The following LPGAT1 variants were observed in gnomAD, a reference collection of about 807,000 sequenced individuals.
The protein encoded by LPGAT1 is acyl-CoA:lysophosphatidylglycerol acyltransferase 1.
LPGAT1 carries 11 observed loss-of-function variants against 47.5 expected under a neutral mutation model. That is an observed-to-expected ratio of 0.23 (90% confidence interval 0.15 to 0.38). LPGAT1 has a LOEUF of 0.38. Among genes scored for constraint, LPGAT1 ranks in the 10% least tolerant of loss-of-function variants. The probability of loss-of-function intolerance (pLI) is 1.00; values close to 1 mark genes in which losing one functional copy is unlikely to be tolerated. For synonymous variants in LPGAT1, 138 were observed against 144.2 expected, an observed-to-expected ratio of 0.96 and a Z score of 0.31; for missense variants, 293 against 439.0, an observed-to-expected ratio of 0.67 and a Z score of 2.97.
At chr1:211,829,751 C>CCTCA in intron 1 of LPGAT1, 1 of 1,000,956 alleles carries the variant, frequency 1.0e-6, no homozygotes, top group Non-Finnish European at 1.2e-6. Context: ...ATACTGAGGA[C>CCTCA]CTCAGTCTCC....
rs1447899407 is a variant in LPGAT1 at position 211,783,327 on chromosome 1, A to G, written c.629T>C (p.Val210Ala). The G allele has an allele frequency of 6.2e-7, 1 of 1,614,060 alleles. No homozygotes were observed. The highest frequency in any genetic ancestry group is 8.5e-7 in the Non-Finnish European group (1 of 1,180,028). Reference protein sequence around the residue: ...KKNNLPFLTNVTLPRSGATKI... With the variant: ...KKNNLPFLTNATLPRSGATKI... ...TGTTGCCCCAGACCTTGGCAGAGTA[A>G]CATTTGTAAGAAATGGCAAGTTATT... is the stretch of plus-strand genomic sequence containing the variant. The change falls in exon 5 of 8, where the codon GTT becomes GCT. Residue 210 changes from valine (V) to alanine (A), a missense_variant. By Grantham distance (64) the Val-to-Ala change is moderately conservative. Transcript: ENST00000366997.
intron 6 of LPGAT1, among the ~76,000 whole-genome samples, chr1:211,757,378 T>G (rs1265014420): frequency 6.6e-6 from 1 of 152,200 alleles, no homozygotes; most frequent in Non-Finnish European, 1.5e-5. Context: ...GTGTTTAAGA[T>G]GGGGCTAATC....
chr1:211,795,067 AG>A (rs1262151927), intron 2 of LPGAT1, among the ~76,000 whole-genome samples: 1 of 152,204 alleles, frequency 6.6e-6, no homozygotes, highest in East Asian at 1.9e-4. Context: ...TTGTTTAATG[AG>A]TACAGTGTTT....
intron 3 of LPGAT1, among the ~76,000 whole-genome samples, chr1:211,791,635 T>C (rs1659113335): frequency 6.6e-6 from 1 of 151,792 alleles, no homozygotes; most frequent in Admixed American, 6.6e-5. Flanking sequence ...TAGTCCCAGC[T>C]GCTTGGGAGG....
At chr1:211,785,921 C>G (rs1658860561) in intron 4 of LPGAT1, among the ~76,000 whole-genome samples, 1 of 152,046 alleles carries the variant, frequency 6.6e-6, no homozygotes, top group African/African-American at 2.4e-5. Context: ...TTCTTGATGC[C>G]TGATGATCAT....
rs1177859875 is a variant in LPGAT1, at chr1:211,749,123, G to T, written c.*776C>A. 1 of 152,614 alleles carries T rather than the reference G, an allele frequency of 6.6e-6. No homozygotes were observed. The highest frequency in any genetic ancestry group is 2.4e-5 in the African/African-American group (1 of 41,438). The allele number at this position is 152,614 out of a possible 1,614,324, so 9.5% of individuals were successfully genotyped here. A position where few individuals can be genotyped will look rare whatever the true frequency, so the allele number is the denominator to read the frequency against. ...CTCACACACTGCTATGCTCCCATTT[G>T]TTTTCAGGCTATATTACTAATCCTT... On this transcript the variant is annotated 3_prime_UTR_variant, in exon 8 of 8. Coordinates refer to ENST00000366997, the MANE Select transcript of LPGAT1 (RefSeq NM_014873.3).
intron 2 of LPGAT1, among the ~76,000 whole-genome samples, chr1:211,798,065 A>C (rs1440449961): frequency 6.6e-6 from 1 of 152,202 alleles, no homozygotes. Context: ...AGAAAATAGA[A>C]ACAACCCATC....
At chr1:211,781,205 C>A (rs964807368) in intron 5 of LPGAT1, among the ~76,000 whole-genome samples, 1 of 152,150 alleles carries the variant, frequency 6.6e-6, no homozygotes, top group Non-Finnish European at 1.5e-5. Context: ...GAAAAGCTTT[C>A]AGGTAGGATT....
chr1:211,797,115 G>A (rs1659381925), intron 2 of LPGAT1, among the ~76,000 whole-genome samples: 1 of 152,056 alleles, frequency 6.6e-6, no homozygotes, highest in South Asian at 2.1e-4. Flanking sequence ...AAATTAGCAG[G>A]TGTGGTGGCA....
intron 2 of LPGAT1, among the ~76,000 whole-genome samples, chr1:211,806,336 TA>T (rs949173594): frequency 9.5e-4 from 126 of 132,524 alleles, no homozygotes; most frequent in Middle Eastern, 7.2e-3. Context: ...TCCACAGCAA[TA>T]AAAAAAAAAA....
At position 211,830,339 on chromosome 1, in the gene LPGAT1, A is replaced by C; in HGVS notation, c.-28+234T>G. 1.8e-6 allele frequency: 2 copies of C among 1,131,160 alleles called. No individual in the cohort carries two copies. The highest frequency in any genetic ancestry group is 1.6e-5 in the African/African-American group (1 of 61,064). The allele number at this position is 1,131,160 out of a possible 1,614,324, so 70.1% of individuals were successfully genotyped here. ...ACTCCCCTCGCGGCTGCCTGCGGACAGAGGGACGGCGGGGACTCAGAGGCC... is the reference window on the plus strand; with the variant it reads ...ACTCCCCTCGCGGCTGCCTGCGGACCGAGGGACGGCGGGGACTCAGAGGCC... On this transcript the variant is annotated intron_variant, in intron 1 of 7. Transcript: ENST00000366997. This position sits in a 1 kb window ranked among gnomAD's most constrained non-coding sequence, Gnocchi z 5.9.
Position 211,793,677 on chromosome 1 carries a change from C to T in LPGAT1, c.239-487G>A, listed in dbSNP as rs555715626. ...CAAACTCTTGACCTCAAGTGATCCA[C>T]CTGCCTTGGCCTCCCAAAGTGCTGA... On this transcript the variant is annotated intron_variant, in intron 2 of 7. Coordinates refer to ENST00000366997, the MANE Select transcript of LPGAT1 (RefSeq NM_014873.3). Among the ~76,000 whole-genome samples, 218 of 152,308 alleles carry T rather than the reference C, an allele frequency of 1.4e-3. 2 individuals are homozygous for T. Among genetic ancestry groups the T allele is most frequent in the Middle Eastern group, 0.01 (3 of 294 alleles).
chr1:211,756,869 TTC>T lies in LPGAT1; in HGVS notation c.855-5804_855-5803del, dbSNP rs1371251775. 4.7e-5 allele frequency among the ~76,000 whole-genome samples: 7 copies of T among 150,126 alleles called. No homozygotes were observed. The East Asian group carries it at 5.8e-4, about 13-fold the overall frequency. ...CAGTGTTTGCTTTGTTTTTTTTTTT[TTC>T]TCTCTTTTTTTTTTTTTCCACACAT... is the stretch of plus-strand genomic sequence containing the variant. On this transcript the variant is annotated intron_variant, in intron 6 of 7. Transcript: ENST00000366997.
chr1:211,758,163 T>C (rs1360099349), intron 6 of LPGAT1, among the ~76,000 whole-genome samples: 1 of 152,238 alleles, frequency 6.6e-6, no homozygotes, highest in Non-Finnish European at 1.5e-5. Context: ...AATAGTTTCA[T>C]AAAGTGCCTT....
At chr1:211,810,728 G>A (rs1230342726) in intron 2 of LPGAT1, among the ~76,000 whole-genome samples, 2 of 152,092 alleles carry the variant, frequency 1.3e-5, no homozygotes, top group East Asian at 3.8e-4. Flanking sequence ...CAGAAGCTAG[G>A]AAAAGAAGTC....
chr1:211,815,038 C>T (rs1382738001), intron 2 of LPGAT1, among the ~76,000 whole-genome samples: 1 of 152,184 alleles, frequency 6.6e-6, no homozygotes, highest in African/African-American at 2.4e-5. Context: ...TCTTAACCTC[C>T]AAATGGTGGC....
chr1:211,814,140 A>T (rs1242034913), intron 2 of LPGAT1, among the ~76,000 whole-genome samples: 1 of 152,268 alleles, frequency 6.6e-6, no homozygotes, highest in Non-Finnish European at 1.5e-5. Flanking sequence ...GAAAAACATT[A>T]GCACATATTT....
At chr1:211,785,916 G>A (rs572279408) in intron 4 of LPGAT1, among the ~76,000 whole-genome samples, 5 of 151,978 alleles carry the variant, frequency 3.3e-5, no homozygotes. Context: ...CCCTCTTCTT[G>A]ATGCCTGATG....
intron 2 of LPGAT1, among the ~76,000 whole-genome samples, chr1:211,822,378 T>C (rs1473458499): frequency 6.6e-6 from 1 of 152,186 alleles, no homozygotes; most frequent in East Asian, 1.9e-4. Flanking sequence ...TACCTTTAAT[T>C]ACCTACCACA....
Sources: allele counts gnomAD v4.1 joint callset (sites outside exome capture counted in the v4.1 genomes callset), GRCh38; gene constraint gnomAD v4.1.1; non-coding constraint Gnocchi (gnomAD v3.1); transcripts MANE v1.5; gene names NCBI Gene and HGNC (gene_info 2026-07-23, HGNC 2026-07-21).